The following FSTL5 variants were observed in gnomAD, a reference collection of about 807,000 sequenced individuals.
The protein encoded by FSTL5 is follistatin-related protein 5.
A neutral mutation model predicts 89.1 loss-of-function variants in FSTL5; 62 were observed. That is an observed-to-expected ratio of 0.70 (90% confidence interval 0.57 to 0.86). FSTL5 has a LOEUF of 0.86. Among genes scored for constraint, FSTL5 ranks in the 40% least tolerant of loss-of-function variants. The pLI, the probability that FSTL5 is intolerant of heterozygous loss-of-function variation, is 0.00. For synonymous variants in FSTL5, 383 were observed against 346.2 expected, an observed-to-expected ratio of 1.11 and a Z score of -1.18; for missense variants, 1,057 against 1,001.6, an observed-to-expected ratio of 1.06 and a Z score of -0.75.
At chr4:162,086,658 C>T (rs72982635) in intron 2 of FSTL5, among the ~76,000 whole-genome samples, 65,262 of 151,450 alleles carry the variant, frequency 0.43, 14,789 homozygotes, top group Middle Eastern at 0.57. Context: ...ATTTGTTTTT[C>T]CTCTTCTGGT....
At chr4:161,947,826 C>T (rs191417146) in intron 3 of FSTL5, among the ~76,000 whole-genome samples, 2 of 152,216 alleles carry the variant, frequency 1.3e-5, no homozygotes, top group East Asian at 1.9e-4. Context: ...AAAGGGCAAC[C>T]TAACAATATT....
chr4:161,730,776 T>G (rs1739580689), intron 6 of FSTL5, among the ~76,000 whole-genome samples: 1 of 152,188 alleles, frequency 6.6e-6, no homozygotes, highest in Non-Finnish European at 1.5e-5. Context: ...ACTGAATATT[T>G]AAAGCATAGA....
In FSTL5 at chr4:161,516,958, A is replaced by T. The variant is rs1578892064; in HGVS notation, c.1313-6534T>A. ...GCCCAGGCTGGAGCGTAGTGGTGTGATCTCTGCTCAACACAACCTCCACCT... is the reference window on the plus strand; with the variant it reads ...GCCCAGGCTGGAGCGTAGTGGTGTGTTCTCTGCTCAACACAACCTCCACCT... On this transcript the variant is annotated intron_variant, in intron 10 of 15. Transcript: ENST00000306100. Among the ~76,000 whole-genome samples, 3 of 152,142 alleles carry T rather than the reference A, an allele frequency of 2.0e-5. No individual in the cohort carries two copies. The East Asian group carries it at 5.8e-4, about 29-fold the overall frequency.
At chr4:161,724,534 C>T (rs1441864685) in intron 6 of FSTL5, among the ~76,000 whole-genome samples, 1 of 152,142 alleles carries the variant, frequency 6.6e-6, no homozygotes, top group East Asian at 1.9e-4. Flanking sequence ...CTAAAGACTT[C>T]TTCTGGACTG....
intron 6 of FSTL5, among the ~76,000 whole-genome samples, chr4:161,745,569 T>C (rs1740170373): frequency 6.6e-6 from 1 of 152,010 alleles, no homozygotes; most frequent in African/African-American, 2.4e-5. Context: ...TTTAGTTGAC[T>C]GTAAAATGTC....
rs186228579 is a variant in FSTL5, at chr4:162,110,294, G to A, written c.126+977C>T. ...AAAATAGTTACTTCTTCATAAGATTGCTTTGAAGATTAAATCAGATAATAC... is the reference window on the plus strand; with the variant it reads ...AAAATAGTTACTTCTTCATAAGATTACTTTGAAGATTAAATCAGATAATAC... On this transcript the variant is annotated intron_variant, in intron 2 of 15. Transcript: ENST00000306100. Among the ~76,000 whole-genome samples, 27 of 151,880 alleles carry A rather than the reference G, an allele frequency of 1.8e-4. No individual in the cohort carries two copies. In the East Asian group the frequency reaches 3.1e-3, roughly 17 times the overall value.
chr4:161,967,786 A>G (rs1340318042), intron 3 of FSTL5, among the ~76,000 whole-genome samples: 1 of 151,980 alleles, frequency 6.6e-6, no homozygotes, highest in African/African-American at 2.4e-5. Flanking sequence ...TTAAAATAAA[A>G]GTTCACATAT....
intron 4 of FSTL5, among the ~76,000 whole-genome samples, chr4:161,857,317 G>C (rs1017336696): frequency 6.6e-6 from 1 of 152,162 alleles, no homozygotes; most frequent in Non-Finnish European, 1.5e-5. Context: ...TGAAATAGAA[G>C]GGAAAGAAGG....
chr4:161,593,261 C>A (rs772279132), intron 7 of FSTL5, among the ~76,000 whole-genome samples: 6 of 151,990 alleles, frequency 3.9e-5, no homozygotes, highest in Non-Finnish European at 8.8e-5. Flanking sequence ...ATATTTATAT[C>A]TTTAAAATAG....
At chr4:161,868,085 G>T (rs1732148320) in intron 4 of FSTL5, among the ~76,000 whole-genome samples, 1 of 151,654 alleles carries the variant, frequency 6.6e-6, no homozygotes, top group Admixed American at 6.6e-5. Context: ...AACCAATTTA[G>T]AATTTAATTA....
rs191774394 is a variant in FSTL5, at chr4:161,912,620, G to C, written c.409+7784C>G. Among the ~76,000 whole-genome samples the C allele has an allele frequency of 2.1e-3, 322 of 152,152 alleles. 2 individuals are homozygous for C. The highest frequency in any genetic ancestry group is 0.014 in the Middle Eastern group (4 of 294). On this transcript the variant is annotated intron_variant, in intron 4 of 15. Coordinates refer to ENST00000306100, the MANE Select transcript of FSTL5 (RefSeq NM_020116.5). ...TAAACCTCTTTTTCTTCCCAGTCTC[G>C]GGTATGTCTTCATCAACAGCGTGAA...
In FSTL5 at chr4:161,774,588, G is replaced by A. The variant is rs138390912; in HGVS notation, c.606+1290C>T. Among the ~76,000 whole-genome samples, 77 of 151,822 alleles carry A rather than the reference G, an allele frequency of 5.1e-4. 1 individual carries two copies. The East Asian group carries it at 0.013, about 26-fold the overall frequency. On this transcript the variant is annotated intron_variant, in intron 5 of 15. Transcript: ENST00000306100. ...TGATGTCTTTTTTAAAATCCAGTCC[G>A]TGGCTATGGTGGTGCAGATATGTTA...
At chr4:161,787,482 G>A (rs1741947194) in intron 4 of FSTL5, among the ~76,000 whole-genome samples, 1 of 152,052 alleles carries the variant, frequency 6.6e-6, no homozygotes, top group South Asian at 2.1e-4. Flanking sequence ...TTAAAAAGAG[G>A]CTGCTGAAAC....
Position 161,920,490 on chromosome 4 carries a change from T to C in FSTL5, c.323A>G (p.Tyr108Cys), listed in dbSNP as rs770730500. Residue 108 changes from tyrosine (Y) to cysteine (C), a missense_variant, in exon 4 of 16, where the codon TAT (tyrosine) becomes TGT (cysteine). Tyr to Cys is a radical substitution (Grantham distance 194). This residue lies in a region of FSTL5 where 980 missense variants were observed against 903.2 expected (regional missense o/e 1.08). Transcript: ENST00000306100. ...TCTGTGCACTTCACAGTGGTTTTCA[T>C]AGAATTCTCCGTCAGATCCACACAC... ...KPVCGSDGEF[Y>C]ENHCEVHRAA... 6 of 1,613,970 alleles carry C rather than the reference T, an allele frequency of 3.7e-6. No individual in the cohort carries two copies. The highest frequency in any genetic ancestry group is 2.2e-5 in the South Asian group (2 of 91,082).
intron 1 of FSTL5, among the ~76,000 whole-genome samples, chr4:162,152,093 G>C (rs1733245441): frequency 6.6e-6 from 1 of 152,166 alleles, no homozygotes; most frequent in South Asian, 2.1e-4. Context: ...TGCACAGACA[G>C]GGAAACAAAC....
intron 15 of FSTL5, among the ~76,000 whole-genome samples, chr4:161,419,041 T>C (rs1216991798): frequency 6.6e-6 from 1 of 152,210 alleles, no homozygotes; most frequent in Admixed American, 6.5e-5. Context: ...CCAAAACAGC[T>C]TCCTAAACAT....
At chr4:161,547,691 T>C (rs1454596021) in intron 8 of FSTL5, among the ~76,000 whole-genome samples, 1 of 151,902 alleles carries the variant, frequency 6.6e-6, no homozygotes, top group Non-Finnish European at 1.5e-5. Flanking sequence ...TTGTATGATC[T>C]TTTCCAAAAC....
chr4:161,721,548 G>T (rs1739218843), intron 6 of FSTL5, among the ~76,000 whole-genome samples: 1 of 152,054 alleles, frequency 6.6e-6, no homozygotes, highest in Non-Finnish European at 1.5e-5. Context: ...TGAAAAAGGG[G>T]TTTCAAAAAT....
At chr4:161,602,065 A>C (rs1292384033) in intron 7 of FSTL5, among the ~76,000 whole-genome samples, 1 of 152,150 alleles carries the variant, frequency 6.6e-6, no homozygotes, top group Non-Finnish European at 1.5e-5. Flanking sequence ...TAATATTTCT[A>C]GTGGAAAGAC....
Sources: allele counts gnomAD v4.1 joint callset (sites outside exome capture counted in the v4.1 genomes callset), GRCh38; gene constraint gnomAD v4.1.1; regional missense constraint gnomAD v4.1.1; transcripts MANE v1.5; gene names NCBI Gene and HGNC (gene_info 2026-07-23, HGNC 2026-07-21).